The following BRCA1 variants were observed in gnomAD, a reference collection of about 807,000 sequenced individuals.
BRCA1 encodes breast cancer type 1 susceptibility protein.
Under a neutral mutation model 173.7 loss-of-function variants are expected in BRCA1, and 140 were observed. That is an observed-to-expected ratio of 0.81 (90% CI 0.70 to 0.93). BRCA1 has a LOEUF of 0.93. Ranked by LOEUF, BRCA1 falls within the 40% of genes least tolerant of loss-of-function variation. The pLI, the probability that BRCA1 is intolerant of heterozygous loss-of-function variation, is 0.00. For synonymous variants in BRCA1, 662 were observed against 756.0 expected (o/e 0.88, Z 2.04); for missense variants, 1,983 against 2,172.5 (o/e 0.91, Z 1.73).
intron 7 of BRCA1, among the ~76,000 whole-genome samples, chr17:43,098,839 T>C (rs1361822625): frequency 7.3e-5 from 11 of 149,672 alleles, no homozygotes; most frequent in Admixed American, 4.0e-4. Context: ...TTTTTTGAGA[T>C]GGAGTTTCAC....
rs8176136 is a variant in BRCA1 at position 43,103,904 on chromosome 17, C to A, written c.441+218G>T. On this transcript the variant is annotated intron_variant, in intron 6 of 22. Transcript: ENST00000357654. ...GGTGGATCACCTGAGGTTAGGAGTT[C>A]GAGACCAGCCTGGCCAACATGATGA... is the stretch of plus-strand genomic sequence containing the variant. Among the ~76,000 whole-genome samples, 6 of 151,854 alleles carry A rather than the reference C, an allele frequency of 4.0e-5. No homozygotes were observed. The South Asian group carries it at 1.2e-3, about 32-fold the overall frequency.
rs1597874296 is a variant in BRCA1 at position 43,093,767 on chromosome 17, G to T, written c.1764C>A (p.Ser588Arg). 6.2e-7 allele frequency: 1 copy of T among 1,613,876 alleles called. No individual in the cohort carries two copies. The highest frequency in any genetic ancestry group is 2.2e-5 in the East Asian group (1 of 44,878). ...SAFKTKAEPI[S>R]SSISNMELEL... ...CGAGTTCCATATTGCTTATACTGCTGCTTATAGGTTCAGCTTTCGTTTTGA... is the reference window on the plus strand; with the variant it reads ...CGAGTTCCATATTGCTTATACTGCTTCTTATAGGTTCAGCTTTCGTTTTGA... The change falls in exon 10 of 23, where the codon AGC (serine) becomes AGA (arginine). Residue 588 changes from serine to arginine, a missense_variant. Transcript: ENST00000357654.
chr17:43,063,024 G>A (rs2051833984), intron 18 of BRCA1, among the ~76,000 whole-genome samples: 1 of 152,106 alleles, frequency 6.6e-6, no homozygotes, highest in South Asian at 2.1e-4. Context: ...CCGAGTAGCT[G>A]GAATTACAGG....
chr17:43,047,610 C>A (rs2152757052), intron 22 of BRCA1, 33 bp downstream of exon 22: 2 of 1,612,704 alleles, frequency 1.2e-6, no homozygotes, highest in Non-Finnish European at 1.7e-6. Context: ...GCAAAAGGAC[C>A]CCATATAGCA....
At position 43,082,447 on chromosome 17, in the gene BRCA1, G is replaced by C. The variant is rs80356856; in HGVS notation, c.4314C>G (p.Ala1438=). 7 of 1,613,938 alleles carry C rather than the reference G, an allele frequency of 4.3e-6. No individual in the cohort carries two copies. The highest frequency in any genetic ancestry group is 5.9e-6 in the Non-Finnish European group (7 of 1,179,980). ...GTTCTGGATTTCGCAGGTCCTCAAG[G>C]GCAGAAGAGTCACTTATGATGGAAG... is the stretch of plus-strand genomic sequence containing the variant. ...SYPSIISDSS[A]LEDLRNPEQS... is the part of the protein sequence containing the mutation. The change falls in exon 12 of 23, where the codon GCC becomes GCG. Residue 1438 remains alanine (A), a synonymous_variant. Transcript: ENST00000357654.
intron 6 of BRCA1, among the ~76,000 whole-genome samples, chr17:43,101,890 C>G (rs1438697718): frequency 1.3e-5 from 2 of 152,098 alleles, no homozygotes; most frequent in Non-Finnish European, 1.5e-5. Flanking sequence ...AACAATTACA[C>G]CTTTTAAGTT....
At position 43,044,501 on chromosome 17, in the gene BRCA1, G is replaced by T; in HGVS notation, c.*1177C>A. On this transcript the variant is annotated 3_prime_UTR_variant, in exon 23 of 23. Coordinates refer to ENST00000357654, the MANE Select transcript of BRCA1 (RefSeq NM_007294.4). ...AGCAAGCAAAATTATTTATGAAGCT[G>T]TATGGTTTCAGCAACAGGGAGCAAA... 1 of 507,908 alleles carries T rather than the reference G, an allele frequency of 2.0e-6. No individual in the cohort carries two copies. Among genetic ancestry groups the T allele is most frequent in the Non-Finnish European group, 3.9e-6 (1 of 259,480 alleles). The allele number at this position is 507,908 out of a possible 1,614,324, so 31.5% of individuals were successfully genotyped here. A position where few individuals can be genotyped will look rare whatever the true frequency, so the allele number is the denominator to read the frequency against.
chr17:43,125,033 T>G, intron 1 of BRCA1: 1 of 418,716 alleles, frequency 2.4e-6, no homozygotes, highest in South Asian at 1.7e-5. Context: ...CATATTCCAG[T>G]TCCTATCACG....
intron 11 of BRCA1, among the ~76,000 whole-genome samples, chr17:43,085,416 T>C (rs1305535405): frequency 6.6e-6 from 1 of 152,172 alleles, no homozygotes; most frequent in Non-Finnish European, 1.5e-5. Flanking sequence ...GATTTATACT[T>C]TTTGAACACT....
chr17:43,157,666 A>C (rs2056206008), intron 1 of BRCA1, among the ~76,000 whole-genome samples: 1 of 151,926 alleles, frequency 6.6e-6, no homozygotes, highest in Non-Finnish European at 1.5e-5. Flanking sequence ...ACTGTACTCC[A>C]GCCTGGGCAA....
chr17:43,046,222 CTTTTTTTTTTTT>C (rs71157698), intron 22 of BRCA1, among the ~76,000 whole-genome samples: 10 of 68,344 alleles, frequency 1.5e-4, no homozygotes, highest in Non-Finnish European at 2.0e-4. Context: ...TGCACCTGGC[CTTTTTTTTTTTT>C]TTTTTTTTTT....
intron 1 of BRCA1, among the ~76,000 whole-genome samples, chr17:43,140,944 C>A (rs969944125): frequency 1.3e-5 from 2 of 152,204 alleles, no homozygotes; most frequent in African/African-American, 4.8e-5. Context: ...TGCTTTATTT[C>A]TCTGGCAGAT....
chr17:43,146,050 C>T (rs1168540666), intron 1 of BRCA1, among the ~76,000 whole-genome samples: 2 of 152,090 alleles, frequency 1.3e-5, no homozygotes, highest in African/African-American at 2.4e-5. Context: ...CACTCTGTAA[C>T]ATCTTTGGTT....
Position 43,099,783 on chromosome 17 carries a change from A to G in BRCA1, c.539T>C (p.Ile180Thr), listed in dbSNP as rs1567805965. The G allele has an allele frequency of 6.2e-7, 1 of 1,606,456 alleles. No homozygotes were observed. The highest frequency in any genetic ancestry group is 8.5e-7 in the Non-Finnish European group (1 of 1,173,114). ...AAACCTGAGACCCTTACCCAATTCA[A>G]TGTAGACAGACGTCTTTTGAGGTTG... is the stretch of plus-strand genomic sequence containing the variant. Reference protein sequence around the residue: ...RIQPQKTSVYIELGSDSSEDT... With the variant: ...RIQPQKTSVYTELGSDSSEDT... The change falls in exon 7 of 23, where the codon ATT (isoleucine) becomes ACT (threonine). Residue 180 changes from isoleucine to threonine, a missense_variant. Ile to Thr is a moderately conservative substitution (Grantham distance 89). Transcript: ENST00000357654.
At position 43,123,940 on chromosome 17, in the gene BRCA1, T is replaced by C. The variant is rs2055707064; in HGVS notation, c.80+77A>G. 4 of 1,163,432 alleles carry C rather than the reference T, an allele frequency of 3.4e-6. No individual in the cohort carries two copies. In the Admixed American group the frequency reaches 5.1e-5, roughly 15 times the overall value. The allele number at this position is 1,163,432 out of a possible 1,614,324, so 72.1% of individuals were successfully genotyped here. On this transcript the variant is annotated intron_variant, in intron 2 of 22. Transcript: ENST00000357654. ...TAGACATGTCTTTTCTTCCCTAGTA[T>C]GTAAGGTCAATTCTGTTCATTTGCA... is the stretch of plus-strand genomic sequence containing the variant.
intron 1 of BRCA1, among the ~76,000 whole-genome samples, chr17:43,139,446 T>A (rs2056057757): frequency 6.6e-6 from 1 of 151,854 alleles, no homozygotes; most frequent in Non-Finnish European, 1.5e-5. Context: ...AACTTCCGCC[T>A]CCCAGGTTTA....
intron 8 of BRCA1, 53 bp downstream of exon 8, chr17:43,097,191 T>C (rs1398355525): frequency 2.0e-6 from 3 of 1,521,368 alleles, no homozygotes; most frequent in Non-Finnish European, 2.7e-6. Flanking sequence ...ATCCTTAATA[T>C]TAACTAAATA....
Position 43,044,804 on chromosome 17 carries a change from C to CT in BRCA1, c.*873dup, listed in dbSNP as rs59541324. 0.029 allele frequency: 11,083 copies of CT among 377,506 alleles called. 506 individuals are homozygous for CT. Among genetic ancestry groups the CT allele is most frequent in the African/African-American group, 0.16 (5,992 of 37,310 alleles). 23.4% of individuals were successfully genotyped at this position (377,506 alleles called of 1,614,324 possible). On this transcript the variant is annotated 3_prime_UTR_variant, in exon 23 of 23. Coordinates refer to ENST00000357654, the MANE Select transcript of BRCA1 (RefSeq NM_007294.4). ...AGAAATCTCTTCTAGTTTCATTTTCCTTTTTTTTTTTTTTTTTTTGAGCCA... is the reference window on the plus strand; with the variant it reads ...AGAAATCTCTTCTAGTTTCATTTTCCTTTTTTTTTTTTTTTTTTTTGAGCCA...
chr17:43,166,314 C>G (rs1418581948), intron 1 of BRCA1: 1 of 152,372 alleles, frequency 6.6e-6, no homozygotes, highest in Non-Finnish European at 1.5e-5. Flanking sequence ...GTTCTCTCAA[C>G]CACTATGTGT....
Sources: allele counts gnomAD v4.1 joint callset (sites outside exome capture counted in the v4.1 genomes callset), GRCh38; gene constraint gnomAD v4.1.1; transcripts MANE v1.5; gene names NCBI Gene and HGNC (gene_info 2026-07-23, HGNC 2026-07-21).